PDCD7: variants seen among roughly 807,000 people sequenced by gnomAD.
The protein encoded by PDCD7 is programmed cell death protein 7.
In PDCD7, 40 loss-of-function variants were observed where a neutral mutation model predicts 42.1. That is an observed-to-expected ratio of 0.95 (90% CI 0.74 to 1.24). The LOEUF (loss-of-function observed/expected upper bound fraction) is 1.24. Among genes scored for constraint, PDCD7 ranks in the 50% most tolerant of loss-of-function variants. PDCD7 has a pLI of 0.00. For missense variants in PDCD7, 644 were observed against 662.8 expected (o/e 0.97, Z 0.31); for synonymous variants, 299 against 303.3 (o/e 0.99, Z 0.15).
At position 65,133,462 on chromosome 15, in the gene PDCD7, G is replaced by A; in HGVS notation, c.320C>T (p.Pro107Leu). ...PFPGTDAGER[P>L]RPPPPGPGPP... ...CCCCGGGCCGGGAGGCGGTGGCCGC[G>A]GCCGCTCGCCGGCGTCGGTCCCCGG... The change falls in exon 1 of 5, where the codon CCG (proline) becomes CTG (leucine). Residue 107 changes from proline (P) to leucine (L), a missense_variant. Pro to Leu is a moderately conservative substitution (Grantham distance 98, BLOSUM62 -3). Coordinates refer to ENST00000204549, the MANE Select transcript of PDCD7 (RefSeq NM_005707.2). 5.8e-6 allele frequency: 7 copies of A among 1,210,060 alleles called. No homozygotes were observed. Among genetic ancestry groups the A allele is most frequent in the Non-Finnish European group, 6.2e-6 (6 of 974,178 alleles). The allele number at this position is 1,210,060 out of a possible 1,614,324, so 75.0% of individuals were successfully genotyped here.
intron 2 of PDCD7, among the ~76,000 whole-genome samples, chr15:65,126,716 T>C (rs574218295): frequency 2.7e-5 from 4 of 149,842 alleles, no homozygotes; most frequent in Non-Finnish European, 5.9e-5. Context: ...ATTGCACCAC[T>C]GCACTTCGGC....
At chr15:65,118,917 A>C in intron 4 of PDCD7, 77 bp from the exon 5 acceptor site, 1 of 1,122,482 alleles carries the variant, frequency 8.9e-7, no homozygotes, top group Non-Finnish European at 1.2e-6. Flanking sequence ...ACATATTCTA[A>C]GACTTAGCTT....
chr15:65,123,144 T>C (rs962810560), intron 2 of PDCD7, among the ~76,000 whole-genome samples: 6 of 152,238 alleles, frequency 3.9e-5, no homozygotes, highest in Non-Finnish European at 7.3e-5. Context: ...GAGAAGGTAA[T>C]TAATAGATAC....
Position 65,119,408 on chromosome 15 carries a change from G to A in PDCD7, c.1302C>T (p.Ala434=), listed in dbSNP as rs200982108. 135 of 1,613,982 alleles carry A rather than the reference G, an allele frequency of 8.4e-5. No individual in the cohort carries two copies. Among genetic ancestry groups the A allele is most frequent in the East Asian group, 2.5e-4 (11 of 44,876 alleles). ...GGATGAGCGCTGGCAGGGAGTGCTCGGCTTGGAGATAATACTGTCGGAAAG... is the reference window on the plus strand; with the variant it reads ...GGATGAGCGCTGGCAGGGAGTGCTCAGCTTGGAGATAATACTGTCGGAAAG... ...LEPFRQYYLQ[A]EHSLPALIQI... Residue 434 remains alanine (A), a synonymous_variant, in exon 4 of 5, where the codon GCC becomes GCT. Coordinates refer to ENST00000204549, the MANE Select transcript of PDCD7 (RefSeq NM_005707.2).
At chr15:65,126,674 T>C (rs2087498714) in intron 2 of PDCD7, among the ~76,000 whole-genome samples, 1 of 151,500 alleles carries the variant, frequency 6.6e-6, no homozygotes, top group African/African-American at 2.4e-5. Context: ...GGATCGCTCC[T>C]GCCTGGGAGT....
At chr15:65,124,935 T>A (rs147018417) in intron 2 of PDCD7, among the ~76,000 whole-genome samples, 5 of 152,138 alleles carry the variant, frequency 3.3e-5, no homozygotes, top group Non-Finnish European at 5.9e-5. Context: ...GCTGGACCCA[T>A]AGCACCCCCT....
chr15:65,127,987 A>C (rs1257588202), intron 2 of PDCD7, among the ~76,000 whole-genome samples: 1 of 152,232 alleles, frequency 6.6e-6, no homozygotes, highest in Non-Finnish European at 1.5e-5. Context: ...TGAGGTCTGG[A>C]TGTGAATTAG....
intron 2 of PDCD7, among the ~76,000 whole-genome samples, chr15:65,123,313 G>A (rs1315665660): frequency 6.6e-6 from 1 of 152,106 alleles, no homozygotes; most frequent in African/African-American, 2.4e-5. Context: ...TCAGCCTCCC[G>A]AGTAGCTGGG....
rs368961040 is a variant in PDCD7 at position 65,118,762 on chromosome 15, C to T, written c.1413G>A (p.Pro471=). The part of the protein sequence containing the change: ...NFVPQGWVLP[P]LPSNDIWATA... ...TTGCCCAGATGTCGTTGCTGGGGAGCGGGGGAAGGACCCATCCTTGGGGAA... is the reference window on the plus strand; with the variant it reads ...TTGCCCAGATGTCGTTGCTGGGGAGTGGGGGAAGGACCCATCCTTGGGGAA... Residue 471 remains proline, a synonymous_variant, in exon 5 of 5, where the codon CCG becomes CCA. Coordinates refer to ENST00000204549, the MANE Select transcript of PDCD7 (RefSeq NM_005707.2). 6 of 1,608,516 alleles carry T rather than the reference C, an allele frequency of 3.7e-6. No homozygotes were observed. Among genetic ancestry groups the T allele is most frequent in the African/African-American group, 1.3e-5 (1 of 74,578 alleles).
chr15:65,118,936 C>G (rs932270261), intron 4 of PDCD7, 96 bp from the exon 5 acceptor site: 1 of 815,062 alleles, frequency 1.2e-6, no homozygotes, highest in African/African-American at 1.8e-5. Context: ...TTTCAAATGA[C>G]TGATATACTA....
At chr15:65,132,837 G>A in intron 1 of PDCD7, 75 bp downstream of exon 1, 1 of 1,578,002 alleles carries the variant, frequency 6.3e-7, no homozygotes, top group South Asian at 1.1e-5. Context: ...CTGGGAAATG[G>A]AAGTTTAAAG....
chr15:65,127,509 A>G (rs1425998641), intron 2 of PDCD7, among the ~76,000 whole-genome samples: 1 of 151,818 alleles, frequency 6.6e-6, no homozygotes, highest in Admixed American at 6.6e-5. Flanking sequence ...CCAAAGCTTT[A>G]AGTATAAGTG....
At chr15:65,124,163 TG>T (rs1278960753) in intron 2 of PDCD7, among the ~76,000 whole-genome samples, 1 of 152,072 alleles carries the variant, frequency 6.6e-6, no homozygotes, top group Non-Finnish European at 1.5e-5. Flanking sequence ...GGCTCACACC[TG>T]TAATCCCAAC....
intron 2 of PDCD7, among the ~76,000 whole-genome samples, chr15:65,127,020 C>T (rs1039928695): frequency 2.0e-5 from 3 of 152,150 alleles, no homozygotes; most frequent in Admixed American, 6.6e-5. Flanking sequence ...AATTCTCCTA[C>T]ACACTGACGT....
chr15:65,132,959 C>G lies in PDCD7; in HGVS notation c.823G>C (p.Asp275His), dbSNP rs1292518695. 6.2e-7 allele frequency: 1 copy of G among 1,606,380 alleles called. No homozygotes were observed. The highest frequency in any genetic ancestry group is 1.3e-5 in the African/African-American group (1 of 74,926). Residue 275 changes from aspartate to histidine, a missense_variant, in exon 1 of 5, where the codon GAC (aspartate) becomes CAC (histidine). Coordinates refer to ENST00000204549, the MANE Select transcript of PDCD7 (RefSeq NM_005707.2). ...TGCACACACTTCACCCTCCAGCGGT[C>G]AATCTCCTGCTCGCGTTCCACTGCC... Reference protein sequence around the residue: ...ARAVEREQEIDRWRVKCVQEV... With the variant: ...ARAVEREQEIHRWRVKCVQEV...
At chr15:65,127,463 CAA>C (rs1464820018) in intron 2 of PDCD7, among the ~76,000 whole-genome samples, 6 of 58,262 alleles carry the variant, frequency 1.0e-4, no homozygotes, top group African/African-American at 1.4e-4. Flanking sequence ...GACTCCGTCT[CAA>C]AAAAAAAAAA....
chr15:65,132,847 G>A, intron 1 of PDCD7, 65 bp downstream of exon 1: 1 of 1,585,210 alleles, frequency 6.3e-7, no homozygotes, highest in Non-Finnish European at 8.5e-7. Flanking sequence ...GAAGTTTAAA[G>A]CCTCCTGCTG....
At position 65,129,066 on chromosome 15, in the gene PDCD7, C is replaced by T. The variant is rs1281233375; in HGVS notation, c.975G>A (p.Leu325=). 1.2e-6 allele frequency: 2 copies of T among 1,614,096 alleles called. No individual in the cohort carries two copies. Among genetic ancestry groups the T allele is most frequent in the Middle Eastern group, 1.7e-4 (1 of 6,060 alleles). Residue 325 remains leucine (L), a synonymous_variant, in exon 2 of 5, where the codon TTG becomes TTA. Coordinates refer to ENST00000204549, the MANE Select transcript of PDCD7 (RefSeq NM_005707.2). ...CTGCAGCCTCTTTCCTCAGTTTCCT[C>T]AATTTCTCCAAAGCCCGTAGAATGT... ...MVDILRALEK[L]RKLRKEAAAR... is the part of the protein sequence containing the mutation.
chr15:65,129,286 C>G (rs1595928762), intron 1 of PDCD7, 116 bp from the exon 2 acceptor site: 2 of 1,128,372 alleles, frequency 1.8e-6, no homozygotes, highest in East Asian at 2.4e-5. Flanking sequence ...AAGAGAGACT[C>G]TATTGAATCT....
Sources: gnomAD v4.1 joint callset for allele counts (sites outside exome capture counted in the v4.1 genomes callset) on GRCh38, gnomAD v4.1.1 for gene constraint, MANE v1.5 for transcripts, NCBI Gene and HGNC (gene_info 2026-07-23, HGNC 2026-07-21) for gene names.